MTMR3: variants seen among roughly 807,000 people sequenced by gnomAD.
MTMR3 encodes the protein myotubularin related protein 3.
Under a neutral mutation model 132.4 loss-of-function variants are expected in MTMR3, and 32 were observed. The observed-to-expected ratio is 0.24, with a 90% CI of 0.18 to 0.32. MTMR3 has a LOEUF of 0.32. MTMR3 is among the 10% of genes least tolerant of loss of function. The pLI, the probability that MTMR3 is intolerant of heterozygous loss-of-function variation, is 1.00. For synonymous variants in MTMR3, 556 were observed against 550.3 expected (o/e 1.01, Z -0.14); for missense variants, 1,216 against 1,489.6 (o/e 0.82, Z 3.02).
At chr22:29,884,447 A>G (rs1341320639) in intron 1 of MTMR3, among the ~76,000 whole-genome samples, 1 of 151,036 alleles carries the variant, frequency 6.6e-6, no homozygotes, top group Admixed American at 6.6e-5. Flanking sequence ...CCCCTTTCAG[A>G]TTCAGGGCTG....
chr22:29,908,279 A>G (rs189436703), intron 1 of MTMR3, among the ~76,000 whole-genome samples: 26 of 152,332 alleles, frequency 1.7e-4, no homozygotes, highest in African/African-American at 5.8e-4. Context: ...AGCTAAGGGA[A>G]TATACATAGT....
At chr22:29,887,256 T>C (rs1351236949) in intron 1 of MTMR3, among the ~76,000 whole-genome samples, 3 of 152,210 alleles carry the variant, frequency 2.0e-5, no homozygotes, top group Non-Finnish European at 2.9e-5. Flanking sequence ...ATTACCCATG[T>C]TGTTTCTGGC....
chr22:29,956,468 A>G (rs1397702744), intron 1 of MTMR3, among the ~76,000 whole-genome samples: 4 of 151,972 alleles, frequency 2.6e-5, no homozygotes, highest in African/African-American at 9.7e-5. Flanking sequence ...GCTGGTCTCT[A>G]ACTCCTGACC....
intron 1 of MTMR3, among the ~76,000 whole-genome samples, chr22:29,949,389 A>G (rs1351321319): frequency 6.6e-6 from 1 of 150,708 alleles, no homozygotes; most frequent in African/African-American, 2.4e-5. Flanking sequence ...CCAGCTATTC[A>G]GGAGGCTGAA....
chr22:29,967,232 T>C (rs1350296137), intron 2 of MTMR3, among the ~76,000 whole-genome samples: 4,456 of 99,396 alleles, frequency 0.045, 93 homozygotes, highest in Admixed American at 0.066. Context: ...TGTGTGTGTG[T>C]GCATGCGCGC....
intron 4 of MTMR3, 63 bp from the exon 5 acceptor site, chr22:29,978,873 A>G (rs1368776243): frequency 2.9e-5 from 35 of 1,200,030 alleles, no homozygotes; most frequent in Admixed American, 1.4e-4. Flanking sequence ...CAGCCAACTG[A>G]TGTTTGAAGC....
At chr22:29,918,441 C>T (rs934218959) in intron 1 of MTMR3, among the ~76,000 whole-genome samples, 3 of 152,162 alleles carry the variant, frequency 2.0e-5, no homozygotes, top group East Asian at 1.9e-4. Context: ...CTGAAGCATT[C>T]CTTCTGCCTT....
intron 1 of MTMR3, among the ~76,000 whole-genome samples, chr22:29,917,986 AT>A (rs1312286559): frequency 6.6e-6 from 1 of 152,254 alleles, no homozygotes; most frequent in Non-Finnish European, 1.5e-5. Flanking sequence ...TTGCTAATTT[AT>A]TTTGAAATTG....
At chr22:29,928,685 GT>G (rs994088010) in intron 1 of MTMR3, among the ~76,000 whole-genome samples, 34 of 151,722 alleles carry the variant, frequency 2.2e-4, no homozygotes, top group African/African-American at 7.5e-4. Context: ...TTTTTTTTAA[GT>G]TTTTTTAAAA....
intron 7 of MTMR3, 66 bp from the exon 8 acceptor site, chr22:29,998,695 T>G (rs1601397979): frequency 2.8e-6 from 3 of 1,070,034 alleles, no homozygotes; most frequent in Middle Eastern, 2.1e-4. Flanking sequence ...TTCTTTGTTT[T>G]TATTCCACCT....
Position 30,019,673 on chromosome 22 carries a change from G to A in MTMR3, c.2014G>A (p.Val672Met). Residue 672 changes from valine (V) to methionine (M), a missense_variant, in exon 17 of 20, where the codon GTG becomes ATG. Around this residue, in one of 7 missense-constraint regions of MTMR3, gnomAD observed 852 missense variants for 852.0 expected, o/e 1.00. Coordinates refer to ENST00000401950, the MANE Select transcript of MTMR3 (RefSeq NM_021090.4). ...CGACAGCCTAGGGAAGCCCACCAGA[G>A]TGCCGGGGGGTGCCGAGCTTTCTGT... is the stretch of plus-strand genomic sequence containing the variant. Reference protein sequence around the residue: ...SADSLGKPTRVPGGAELSVAA... With the variant: ...SADSLGKPTRMPGGAELSVAA... 6.2e-7 allele frequency: 1 copy of A among 1,614,234 alleles called. No homozygotes were observed. The highest frequency in any genetic ancestry group is 8.5e-7 in the Non-Finnish European group (1 of 1,180,048).
At chr22:29,935,742 CTTT>C (rs35840801) in intron 1 of MTMR3, among the ~76,000 whole-genome samples, 4 of 125,866 alleles carry the variant, frequency 3.2e-5, no homozygotes, top group East Asian at 4.5e-4. Context: ...TCCATGCCCA[CTTT>C]TTTTTTTTTT....
chr22:29,939,651 CTG>C (rs1372985882), intron 1 of MTMR3, among the ~76,000 whole-genome samples: 5 of 151,768 alleles, frequency 3.3e-5, no homozygotes, highest in African/African-American at 4.8e-5. Flanking sequence ...TATTACTTGA[CTG>C]TTTTATAAAA....
chr22:29,890,082 A>C (rs1223939601), intron 1 of MTMR3, among the ~76,000 whole-genome samples: 1 of 151,288 alleles, frequency 6.6e-6, no homozygotes, highest in African/African-American at 2.4e-5. Flanking sequence ...AATTTTTTGT[A>C]TTTTTAGTAG....
rs1156940702 is a variant in MTMR3 at position 29,991,541 on chromosome 22, C to T, written c.331C>T (p.Leu111=). 6.2e-7 allele frequency: 1 copy of T among 1,613,918 alleles called. No homozygotes were observed. Among genetic ancestry groups the T allele is most frequent in the Admixed American group, 1.7e-5 (1 of 59,988 alleles). ...FSTFEQCQEW[L]KRLNNAIRPP... ...AACCTTTGAGCAGTGTCAAGAGTGG[C>T]TGAAGAGACTGAACAACGCAATCCG... The change falls in exon 7 of 20, where the codon CTG becomes TTG. Residue 111 remains leucine (L), a synonymous_variant. Transcript: ENST00000401950.
intron 1 of MTMR3, among the ~76,000 whole-genome samples, chr22:29,940,109 T>TA (rs1167655134): frequency 6.6e-6 from 1 of 151,898 alleles, no homozygotes; most frequent in Non-Finnish European, 1.5e-5. Flanking sequence ...CTGCTAAAAA[T>TA]ACAAAAAAAT....
At chr22:30,007,562 G>T (rs1285746413) in intron 10 of MTMR3, 1 of 579,724 alleles carries the variant, frequency 1.7e-6, no homozygotes, top group Admixed American at 3.1e-5. Flanking sequence ...CAAAAATGGA[G>T]TGTTTATGTA....
At chr22:29,979,179 C>A in intron 5 of MTMR3, 127 bp downstream of exon 5, 1 of 681,774 alleles carries the variant, frequency 1.5e-6, no homozygotes, top group South Asian at 1.7e-5. Context: ...CTGCTTTTCT[C>A]ACTTAATTTA....
intron 2 of MTMR3, among the ~76,000 whole-genome samples, chr22:29,967,537 A>AT (rs530917141): frequency 0.032 from 4,471 of 141,480 alleles, 124 homozygotes; most frequent in African/African-American, 0.073. Context: ...TGGCTTCTGT[A>AT]TTTTTTTTTT....
Sources: gnomAD v4.1 joint callset for allele counts (sites outside exome capture counted in the v4.1 genomes callset) on GRCh38, gnomAD v4.1.1 for gene constraint, gnomAD v4.1.1 regional missense constraint, MANE v1.5 for transcripts, NCBI Gene and HGNC (gene_info 2026-07-23, HGNC 2026-07-21) for gene names.